ASH2L: variants seen among roughly 807,000 people sequenced by gnomAD.
ASH2L encodes the protein ASH2 like, histone lysine methyltransferase complex subunit, also known as set1/Ash2 histone methyltransferase complex subunit ASH2.
In ASH2L, 30 loss-of-function variants were observed where a neutral mutation model predicts 81.1. The ratio of observed to expected loss-of-function variants is 0.37; its 90% confidence interval spans 0.28 to 0.50. ASH2L has a LOEUF of 0.50. Ranked by LOEUF, ASH2L falls within the 20% of genes least tolerant of loss-of-function variation. The pLI is 0.95. For synonymous variants in ASH2L, 273 were observed against 279.9 expected, an observed-to-expected ratio of 0.98 and a Z score of 0.24; for missense variants, 559 against 792.1, an observed-to-expected ratio of 0.71 and a Z score of 3.53.
chr8:38,108,916 C>A (rs537865060), intron 3 of ASH2L, among the ~76,000 whole-genome samples: 1 of 151,950 alleles, frequency 6.6e-6, no homozygotes, highest in Non-Finnish European at 1.5e-5. Context: ...CCTGTCTCTA[C>A]GAGAAATAGA....
intron 5 of ASH2L, among the ~76,000 whole-genome samples, chr8:38,111,633 G>A (rs1003579714): frequency 4.1e-5 from 6 of 147,204 alleles, no homozygotes; most frequent in South Asian, 4.3e-4. Context: ...TGATCCGTCC[G>A]CCTCAGCCTC....
chr8:38,113,168 C>T (rs546086889), intron 5 of ASH2L, among the ~76,000 whole-genome samples: 174 of 152,148 alleles, frequency 1.1e-3, no homozygotes, highest in Admixed American at 4.8e-3. Context: ...CAGGGTTTCA[C>T]CATGTTGGCC....
At chr8:38,121,974 T>TA (rs1563256179) in intron 10 of ASH2L, among the ~76,000 whole-genome samples, 1 of 152,246 alleles carries the variant, frequency 6.6e-6, no homozygotes, top group African/African-American at 2.4e-5. Context: ...TTTTTAAACT[T>TA]ATGTTCACTA....
At chr8:38,128,713 G>T (rs375452662) in intron 11 of ASH2L, 45 bp from the exon 12 acceptor site, 4 of 1,576,384 alleles carry the variant, frequency 2.5e-6, no homozygotes, top group South Asian at 1.2e-5. Flanking sequence ...AACTAGATTT[G>T]ACTTGCAATC....
chr8:38,132,829 G>A (rs1004136376), intron 12 of ASH2L, among the ~76,000 whole-genome samples: 2 of 150,900 alleles, frequency 1.3e-5, no homozygotes, highest in African/African-American at 2.4e-5. Flanking sequence ...GGGCGCAGTG[G>A]CTCATGCCTG....
intron 2 of ASH2L, 63 bp downstream of exon 2, chr8:38,106,507 T>A: frequency 6.0e-5 from 13 of 215,420 alleles, no homozygotes; most frequent in Non-Finnish European, 1.0e-4. Flanking sequence ...CTTCTTCTTC[T>A]TTTTTTTTTT....
intron 14 of ASH2L, 92 bp from the exon 15 acceptor site, chr8:38,138,724 A>G (rs904537164): frequency 2.8e-6 from 3 of 1,065,314 alleles, no homozygotes; most frequent in Non-Finnish European, 4.3e-6. Flanking sequence ...TATTGTAGCC[A>G]CATTTAAAGT....
chr8:38,134,812 C>T (rs535763015), intron 13 of ASH2L, among the ~76,000 whole-genome samples: 2 of 152,058 alleles, frequency 1.3e-5, no homozygotes, highest in African/African-American at 2.4e-5. Flanking sequence ...ACCAGAAAGC[C>T]CCCTCTTGTG....
chr8:38,119,192 T>C, intron 8 of ASH2L, 78 bp from the exon 9 acceptor site: 1 of 1,293,572 alleles, frequency 7.7e-7, no homozygotes, highest in Non-Finnish European at 1.1e-6. Flanking sequence ...ATTGGGTGTG[T>C]TGGTCCCTAT....
rs776440995 is a variant in ASH2L, at chr8:38,120,983, A to G, written c.999A>G (p.Glu333=). 6.2e-7 allele frequency: 1 copy of G among 1,613,436 alleles called. No individual in the cohort carries two copies. The highest frequency in any genetic ancestry group is 1.3e-5 in the African/African-American group (1 of 74,766). ...TTCCCCCTCATGGCTACCCATTGGA[A>G]CACCCGTTTAACAAAGATGGCTATC... is the stretch of plus-strand genomic sequence containing the variant. ...QRLPPHGYPL[E]HPFNKDGYRY... The change falls in exon 10 of 16, where the codon GAA becomes GAG. Residue 333 remains glutamate (E), a synonymous_variant. Transcript: ENST00000343823.
In ASH2L at chr8:38,121,021, C is replaced by T; in HGVS notation, c.1037C>T (p.Ala346Val). The change falls in exon 10 of 16, where the codon GCT (alanine) becomes GTT (valine). Residue 346 changes from alanine (A) to valine (V), a missense_variant. Ala to Val is a moderately conservative substitution (Grantham distance 64). Around this residue, in one of 4 missense-constraint regions of ASH2L, gnomAD observed 318 missense variants for 527.0 expected, o/e 0.60. Transcript: ENST00000343823. ...AAAGATGGCTATCGGTATATTCTAG[C>T]TGAGCCTGATCCGCACGCCCCTGAC... is the stretch of plus-strand genomic sequence containing the variant. ...FNKDGYRYIL[A>V]EPDPHAPDPE... The T allele has an allele frequency of 6.2e-7, 1 of 1,613,844 alleles. No individual in the cohort carries two copies. The highest frequency in any genetic ancestry group is 8.5e-7 in the Non-Finnish European group (1 of 1,179,980).
At chr8:38,125,562 C>G (rs934347747) in intron 10 of ASH2L, among the ~76,000 whole-genome samples, 1 of 150,412 alleles carries the variant, frequency 6.6e-6, no homozygotes, top group Non-Finnish European at 1.5e-5. Flanking sequence ...GAGCCGAGAT[C>G]GCGCCATTGC....
intron 5 of ASH2L, among the ~76,000 whole-genome samples, chr8:38,113,685 A>T (rs528967646): frequency 6.6e-6 from 1 of 152,210 alleles, no homozygotes; most frequent in East Asian, 1.9e-4. Context: ...GTCAAGGACA[A>T]CTCTTAATGT....
intron 12 of ASH2L, among the ~76,000 whole-genome samples, chr8:38,130,566 G>C (rs562976685): frequency 4.0e-5 from 6 of 151,504 alleles, no homozygotes; most frequent in Admixed American, 3.9e-4. Flanking sequence ...CATGGTGTTA[G>C]CTTTTACACA....
chr8:38,134,775 A>G (rs1032446143), intron 13 of ASH2L, among the ~76,000 whole-genome samples: 1 of 152,204 alleles, frequency 6.6e-6, no homozygotes, highest in African/African-American at 2.4e-5. Context: ...CTAAAGAGAA[A>G]TAATTATTAG....
intron 3 of ASH2L, among the ~76,000 whole-genome samples, chr8:38,108,970 T>G (rs771751508): frequency 9.2e-5 from 14 of 152,098 alleles, no homozygotes; most frequent in Non-Finnish European, 1.5e-4. Flanking sequence ...TAGTACCAGC[T>G]ACTCAGGAGC....
intron 10 of ASH2L, among the ~76,000 whole-genome samples, chr8:38,126,808 C>T (rs575356323): frequency 2.1e-5 from 3 of 140,800 alleles, no homozygotes; most frequent in Non-Finnish European, 3.0e-5. Context: ...GAGCAGAGAT[C>T]GCGCCACTGC....
intron 9 of ASH2L, among the ~76,000 whole-genome samples, chr8:38,120,339 C>CT (rs1301647982): frequency 2.6e-5 from 4 of 152,096 alleles, no homozygotes; most frequent in Admixed American, 2.6e-4. Flanking sequence ...AGCTCCTTAA[C>CT]TTTCTGCTTC....
intron 14 of ASH2L, among the ~76,000 whole-genome samples, chr8:38,136,554 C>G (rs1009580553): frequency 9.9e-5 from 15 of 151,746 alleles, no homozygotes; most frequent in African/African-American, 3.6e-4. Context: ...GTGGGTGGAT[C>G]ACTTGAGGTC....
Sources: gnomAD v4.1 joint callset for allele counts (sites outside exome capture counted in the v4.1 genomes callset) on GRCh38, gnomAD v4.1.1 for gene constraint, gnomAD v4.1.1 regional missense constraint, MANE v1.5 for transcripts, NCBI Gene and HGNC (gene_info 2026-07-23, HGNC 2026-07-21) for gene names.